Variants in CNTN4 observed in about 807,000 individuals in gnomAD.
The protein encoded by CNTN4 is contactin-4.
In CNTN4, 77 loss-of-function variants were observed where a neutral mutation model predicts 122.5. That is an observed-to-expected ratio of 0.63 (90% CI 0.52 to 0.76). The LOEUF is 0.76. Among genes scored for constraint, CNTN4 ranks in the 30% least tolerant of loss-of-function variants. The pLI is 0.00. For synonymous variants in CNTN4, 512 were observed against 447.0 expected, an observed-to-expected ratio of 1.15 and a Z score of -1.83; for missense variants, 1,256 against 1,259.1, an observed-to-expected ratio of 1.00 and a Z score of 0.04.
intron 12 of CNTN4, among the ~76,000 whole-genome samples, chr3:2,919,388 G>C (rs1030768238): frequency 6.9e-6 from 1 of 145,536 alleles, no homozygotes; most frequent in Non-Finnish European, 1.5e-5. Flanking sequence ...CCAGATCGTT[G>C]CTTTTTAAAA....
At chr3:2,895,795 G>C (rs1395211297) in intron 10 of CNTN4, among the ~76,000 whole-genome samples, 4 of 152,232 alleles carry the variant, frequency 2.6e-5, no homozygotes, top group Non-Finnish European at 1.5e-5. Flanking sequence ...AGCACTTTGG[G>C]AGGCCGAGGC....
intron 2 of CNTN4, among the ~76,000 whole-genome samples, chr3:2,127,597 AG>A (rs2034240145): frequency 6.6e-6 from 1 of 152,166 alleles, no homozygotes; most frequent in Non-Finnish European, 1.5e-5. Context: ...AGATAATTTG[AG>A]TATCTTCACT....
At chr3:2,936,846 G>A (rs1397622743) in intron 13 of CNTN4, among the ~76,000 whole-genome samples, 1 of 152,090 alleles carries the variant, frequency 6.6e-6, no homozygotes, top group Non-Finnish European at 1.5e-5. Flanking sequence ...AAATTATGCC[G>A]ATGTCAAATT....
chr3:2,632,086 G>A (rs1190047883), intron 4 of CNTN4, among the ~76,000 whole-genome samples: 2 of 86,840 alleles, frequency 2.3e-5, no homozygotes, highest in African/African-American at 4.3e-5. Flanking sequence ...ACACACACAC[G>A]TGTGTGTATG....
chr3:3,043,581 T>A lies in CNTN4; in HGVS notation c.2699-11T>A, dbSNP rs1160962980. The stretch of plus-strand genomic sequence containing the variant: ...TAATCTGTGACTTCGTATATCTTAA[T>A]TTTTTTATAGCACCAAGTCAACCCC... On this transcript the variant is annotated splice_polypyrimidine_tract_variant and intron_variant, in intron 22 of 24. Transcript: ENST00000418658. 1 of 1,584,514 alleles carries A rather than the reference T, an allele frequency of 6.3e-7. No individual in the cohort carries two copies. The highest frequency in any genetic ancestry group is 8.7e-7 in the Non-Finnish European group (1 of 1,153,228).
Position 2,173,061 on chromosome 3 carries a change from A to G in CNTN4, c.-145+72422A>G, listed in dbSNP as rs114179908. Among the ~76,000 whole-genome samples, 430 of 152,296 alleles carry G rather than the reference A, an allele frequency of 2.8e-3. 1 individual carries two copies. The highest frequency in any genetic ancestry group is 9.9e-3 in the African/African-American group (412 of 41,574). On this transcript the variant is annotated intron_variant, in intron 2 of 24. Transcript: ENST00000418658. ...TCACACAGAAGATTGGTTTGTTTGGATTTCTAAATTGGGGCTTTTCAGTTC... is the reference window on the plus strand; with the variant it reads ...TCACACAGAAGATTGGTTTGTTTGGGTTTCTAAATTGGGGCTTTTCAGTTC...
intron 2 of CNTN4, among the ~76,000 whole-genome samples, chr3:2,184,106 G>T (rs1217098341): frequency 1.3e-5 from 2 of 151,858 alleles, no homozygotes. Context: ...TGAGTAGCTG[G>T]GACCACTATC....
intron 3 of CNTN4, among the ~76,000 whole-genome samples, chr3:2,473,315 A>G (rs978780628): frequency 6.6e-6 from 1 of 151,382 alleles, no homozygotes; most frequent in Non-Finnish European, 1.5e-5. Context: ...CCCTGTCTCT[A>G]ACTGGCTTCC....
intron 2 of CNTN4, among the ~76,000 whole-genome samples, chr3:2,181,824 A>G (rs1470426910): frequency 6.6e-6 from 1 of 152,148 alleles, no homozygotes; most frequent in Non-Finnish European, 1.5e-5. Flanking sequence ...GTCAGAGAAA[A>G]TGGCAGTTGC....
At chr3:2,409,098 A>G (rs2047136484) in intron 3 of CNTN4, among the ~76,000 whole-genome samples, 1 of 152,096 alleles carries the variant, frequency 6.6e-6, no homozygotes, top group Non-Finnish European at 1.5e-5. Context: ...ACCCAGAATT[A>G]AAGAGGAACA....
chr3:2,903,104 A>G (rs2094192982), intron 12 of CNTN4, 99 bp downstream of exon 12: 4 of 1,257,302 alleles, frequency 3.2e-6, no homozygotes, highest in Non-Finnish European at 3.4e-6. Flanking sequence ...CAAGAAAAGG[A>G]GTAAAGAAAT....
chr3:2,134,714 C>G (rs930970511), intron 2 of CNTN4, among the ~76,000 whole-genome samples: 1 of 152,106 alleles, frequency 6.6e-6, no homozygotes, highest in Non-Finnish European at 1.5e-5. Flanking sequence ...TGCTGAACAC[C>G]CTCAGTGCAA....
At chr3:2,242,412 G>A (rs2039977273) in intron 2 of CNTN4, among the ~76,000 whole-genome samples, 1 of 152,080 alleles carries the variant, frequency 6.6e-6, no homozygotes, top group Admixed American at 6.6e-5. Flanking sequence ...AAGGGTTCAT[G>A]AGAAAAATAA....
At chr3:2,107,666 A>C (rs1403540423) in intron 2 of CNTN4, among the ~76,000 whole-genome samples, 2 of 152,142 alleles carry the variant, frequency 1.3e-5, no homozygotes, top group East Asian at 3.9e-4. Context: ...CAGATTCATA[A>C]ATTACCCTTT....
At chr3:2,862,996 A>G (rs1386416323) in intron 7 of CNTN4, among the ~76,000 whole-genome samples, 1 of 152,116 alleles carries the variant, frequency 6.6e-6, no homozygotes, top group East Asian at 1.9e-4. Flanking sequence ...AGTCCGCCTC[A>G]CCCCTTTTTG....
chr3:2,310,541 C>T (rs781409706), intron 2 of CNTN4, among the ~76,000 whole-genome samples: 2 of 152,146 alleles, frequency 1.3e-5, no homozygotes, highest in Non-Finnish European at 2.9e-5. Context: ...CACCTCAGCA[C>T]ATGCTACCTC....
chr3:2,615,966 TTTAA>T (rs769685489), intron 4 of CNTN4, among the ~76,000 whole-genome samples: 14 of 152,052 alleles, frequency 9.2e-5, no homozygotes, highest in Non-Finnish European at 1.6e-4. Flanking sequence ...TAAATTCCTC[TTTAA>T]TTACAGTAGA....
chr3:2,988,802 A>G (rs1694812519), intron 14 of CNTN4: 1 of 301,122 alleles, frequency 3.3e-6, no homozygotes, highest in South Asian at 3.7e-5. Context: ...CATGTCTAGG[A>G]ACACTATTCC....
intron 2 of CNTN4, among the ~76,000 whole-genome samples, chr3:2,159,235 C>T (rs1266523441): frequency 6.6e-6 from 1 of 152,164 alleles, no homozygotes; most frequent in Non-Finnish European, 1.5e-5. Context: ...ACACATTGCT[C>T]TCTTAAGTAT....
Sources: gnomAD v4.1 joint callset for allele counts (sites outside exome capture counted in the v4.1 genomes callset) on GRCh38, gnomAD v4.1.1 for gene constraint, MANE v1.5 for transcripts, NCBI Gene and HGNC (gene_info 2026-07-23, HGNC 2026-07-21) for gene names.